The following MRPS27 variants were observed in gnomAD, a reference collection of about 807,000 sequenced individuals.
MRPS27 encodes mitochondrial ribosomal protein S27.
A neutral mutation model predicts 48.9 loss-of-function variants in MRPS27; 43 were observed. The ratio of observed to expected loss-of-function variants is 0.88; its 90% CI spans 0.69 to 1.13. MRPS27 has a LOEUF of 1.13. MRPS27 is among the 50% of genes most tolerant of loss of function. MRPS27 has a pLI of 0.00. For missense variants in MRPS27, 467 were observed against 476.3 expected (o/e 0.98, Z 0.18); for synonymous variants, 188 against 171.9 (o/e 1.09, Z -0.73).
intron 2 of MRPS27, among the ~76,000 whole-genome samples, chr5:72,299,246 CTCCCTGAATCTAAA>C (rs1750067187): frequency 6.6e-6 from 1 of 151,130 alleles, no homozygotes. Context: ...TGCACATGTA[CTCCCTGAATCTAAA>C]ATGAAAGTGG....
chr5:72,254,354 TGTG>T (rs549654885), intron 4 of MRPS27, among the ~76,000 whole-genome samples: 2 of 152,224 alleles, frequency 1.3e-5, no homozygotes, highest in South Asian at 4.1e-4. Flanking sequence ...CTTCCTGGTG[TGTG>T]GTGGTGTGCA....
At position 72,295,587 on chromosome 5, in the gene MRPS27, A is replaced by G. The variant is rs1749956810; in HGVS notation, c.225T>C (p.Leu75=). The change falls in exon 4 of 11, where the codon CTT becomes CTC. Residue 75 remains leucine (L), a splice_region_variant and synonymous_variant. Transcript: ENST00000261413. ...CTTCCCGAGAGGAAATGTTGTCTAT[A>G]AGCTAAAAGACAGAAAAAGAAACCT... The part of the protein sequence containing the change: ...LPVSSLTISR[L]IDNISSREEI... 6.2e-7 allele frequency: 1 copy of G among 1,608,072 alleles called. No homozygotes were observed. The highest frequency in any genetic ancestry group is 8.5e-7 in the Non-Finnish European group (1 of 1,174,752).
At chr5:72,306,489 A>C (rs1750273441) in intron 2 of MRPS27, among the ~76,000 whole-genome samples, 1 of 152,210 alleles carries the variant, frequency 6.6e-6, no homozygotes. Flanking sequence ...TAAACACCAC[A>C]ATAAGGATGA....
intron 2 of MRPS27, among the ~76,000 whole-genome samples, chr5:72,308,445 C>T (rs557261912): frequency 2.0e-5 from 3 of 152,362 alleles, no homozygotes; most frequent in Admixed American, 2.0e-4. Flanking sequence ...GCTTTGAGCA[C>T]CTCACGGCCC....
rs370439924 is a variant in MRPS27, at chr5:72,319,736, G to A, written c.73+413C>T. On this transcript the variant is annotated intron_variant, in intron 1 of 10. Coordinates refer to ENST00000261413, the MANE Select transcript of MRPS27 (RefSeq NM_015084.3). ...TTTCTTTGTATTTTTTAGTAGAGAT[G>A]GGGTTTCGCCCTGTTGGCCAGGCTG... Among the ~76,000 whole-genome samples the A allele has an allele frequency of 7.2e-5, 11 of 152,024 alleles. No homozygotes were observed. The South Asian group carries it at 1.2e-3, about 17-fold the overall frequency.
chr5:72,241,186 T>G (rs1051471497), intron 4 of MRPS27, among the ~76,000 whole-genome samples: 1 of 152,084 alleles, frequency 6.6e-6, no homozygotes, highest in African/African-American at 2.4e-5. Context: ...AGAGACAGGG[T>G]CTTGCTATGT....
chr5:72,318,311 A>G (rs1750615144), intron 1 of MRPS27, among the ~76,000 whole-genome samples: 1 of 152,230 alleles, frequency 6.6e-6, no homozygotes, highest in Non-Finnish European at 1.5e-5. Context: ...GCAGATGCAG[A>G]ATGCTCGGAT....
intron 4 of MRPS27, among the ~76,000 whole-genome samples, chr5:72,244,799 C>T (rs924263959): frequency 1.3e-5 from 2 of 151,986 alleles, no homozygotes; most frequent in African/African-American, 2.4e-5. Context: ...GCCCTAACTC[C>T]TATCTTAAAG....
chr5:72,260,701 C>G (rs1554058787), intron 4 of MRPS27, among the ~76,000 whole-genome samples: 1 of 151,540 alleles, frequency 6.6e-6, no homozygotes, highest in Non-Finnish European at 1.5e-5. Context: ...GTATCAGGTA[C>G]AAAAAAAATC....
At chr5:72,250,579 C>T (rs1748638939) in intron 4 of MRPS27, among the ~76,000 whole-genome samples, 2 of 152,158 alleles carry the variant, frequency 1.3e-5, no homozygotes, top group Admixed American at 6.5e-5. Flanking sequence ...TGATTAGAAC[C>T]CAGCCCCGAC....
At chr5:72,283,632 CT>C (rs1279768437) in intron 4 of MRPS27, among the ~76,000 whole-genome samples, 2 of 152,168 alleles carry the variant, frequency 1.3e-5, no homozygotes, top group Non-Finnish European at 2.9e-5. Context: ...GGCAATTGTT[CT>C]TTCTCCAAAG....
At chr5:72,292,659 A>C (rs1749858873) in intron 4 of MRPS27, among the ~76,000 whole-genome samples, 4 of 152,312 alleles carry the variant, frequency 2.6e-5, no homozygotes, top group Non-Finnish European at 1.5e-5. Context: ...TGATCATTCA[A>C]GGTTTCTAAA....
chr5:72,295,441 G>T, intron 4 of MRPS27, 90 bp downstream of exon 4: 2 of 935,578 alleles, frequency 2.1e-6, no homozygotes, highest in East Asian at 2.5e-5. Context: ...CTTAGAAGGT[G>T]TCAAAATTAT....
chr5:72,226,782 G>C, intron 8 of MRPS27, among the ~76,000 whole-genome samples: 1 of 151,794 alleles, frequency 6.6e-6, no homozygotes, highest in Non-Finnish European at 1.5e-5. Flanking sequence ...GATCTTTTTG[G>C]ATCTCTGGAC....
intron 2 of MRPS27, among the ~76,000 whole-genome samples, chr5:72,307,388 T>G (rs1750301629): frequency 6.6e-6 from 1 of 152,090 alleles, no homozygotes; most frequent in Non-Finnish European, 1.5e-5. Context: ...ATCAGGGATA[T>G]CTGAACACTA....
intron 4 of MRPS27, among the ~76,000 whole-genome samples, chr5:72,269,976 T>C (rs1481391073): frequency 1.3e-5 from 2 of 152,084 alleles, no homozygotes; most frequent in African/African-American, 4.8e-5. Context: ...GCAGATCACC[T>C]AAGGTCTGGA....
intron 4 of MRPS27, among the ~76,000 whole-genome samples, chr5:72,274,010 C>T (rs1206359958): frequency 6.6e-6 from 1 of 152,130 alleles, no homozygotes; most frequent in Non-Finnish European, 1.5e-5. Flanking sequence ...CATTTTTCTA[C>T]TTTTAATTTT....
chr5:72,261,208 CT>C (rs1401187030), intron 4 of MRPS27, among the ~76,000 whole-genome samples: 1 of 152,070 alleles, frequency 6.6e-6, no homozygotes, highest in Non-Finnish European at 1.5e-5. Flanking sequence ...TTGAAAGTTG[CT>C]ACATTGGTGT....
At chr5:72,222,788 G>C (rs1381254002) in intron 10 of MRPS27, among the ~76,000 whole-genome samples, 1 of 152,174 alleles carries the variant, frequency 6.6e-6, no homozygotes, top group African/African-American at 2.4e-5. Context: ...AATTATAAGA[G>C]GGAAGTTGAG....
Sources: gnomAD v4.1 joint callset for allele counts (sites outside exome capture counted in the v4.1 genomes callset) on GRCh38, gnomAD v4.1.1 for gene constraint, MANE v1.5 for transcripts, NCBI Gene and HGNC (gene_info 2026-07-23, HGNC 2026-07-21) for gene names.